The following PIWIL3 variants were observed in gnomAD, a reference collection of about 807,000 sequenced individuals.
PIWIL3 encodes piwi-like protein 3.
Under a neutral mutation model 109.7 loss-of-function variants are expected in PIWIL3, and 101 were observed. The ratio of observed to expected loss-of-function variants is 0.92; its 90% CI spans 0.78 to 1.09. PIWIL3 has a LOEUF of 1.09. Among genes scored for constraint, PIWIL3 ranks in the 50% least tolerant of loss-of-function variants. The probability of loss-of-function intolerance (pLI) is 0.00; values close to 1 mark genes in which losing one functional copy is unlikely to be tolerated. For missense variants in PIWIL3, 1,031 were observed against 1,072.6 expected, an observed-to-expected ratio of 0.96 and a Z score of 0.54; for synonymous variants, 373 against 376.4, an observed-to-expected ratio of 0.99 and a Z score of 0.10.
chr22:24,748,744 C>T (rs561767362), intron 12 of PIWIL3, among the ~76,000 whole-genome samples, 163 bp downstream of exon 12: 16 of 152,188 alleles, frequency 1.1e-4, no homozygotes, highest in African/African-American at 3.9e-4. Flanking sequence ...TGCCAAGCAC[C>T]TTACATTCAT....
chr22:24,721,820 G>T (rs1376406365), intron 19 of PIWIL3, among the ~76,000 whole-genome samples: 1 of 152,050 alleles, frequency 6.6e-6, no homozygotes, highest in African/African-American at 2.4e-5. Context: ...TCTTCTGGAA[G>T]TTGTATCTAA....
At chr22:24,750,005 G>A (rs1398753260) in intron 9 of PIWIL3, among the ~76,000 whole-genome samples, 186 bp from the exon 10 acceptor site, 1 of 152,132 alleles carries the variant, frequency 6.6e-6, no homozygotes, top group African/African-American at 2.4e-5. Flanking sequence ...GATATGCCAC[G>A]GATCTTTTCT....
intron 12 of PIWIL3, among the ~76,000 whole-genome samples, chr22:24,736,604 G>T (rs1358031583): frequency 6.6e-6 from 1 of 152,186 alleles, no homozygotes; most frequent in Admixed American, 6.5e-5. Context: ...TTTGTACAAA[G>T]GGAGCACCTT....
At chr22:24,719,684 C>T (rs1052154657) in intron 20 of PIWIL3, 64 bp downstream of exon 20, 16 of 1,561,806 alleles carry the variant, frequency 1.0e-5, no homozygotes, top group Middle Eastern at 1.7e-4. Context: ...AGAGGTCCAA[C>T]ATTGTTCAAT....
intron 16 of PIWIL3, among the ~76,000 whole-genome samples, chr22:24,727,179 G>A (rs73879112): frequency 6.6e-6 from 1 of 152,158 alleles, no homozygotes; most frequent in South Asian, 2.1e-4. Context: ...GACATTTACT[G>A]ATCAGAGCCT....
At chr22:24,738,574 ACT>A (rs750118831) in intron 12 of PIWIL3, among the ~76,000 whole-genome samples, 2 of 152,128 alleles carry the variant, frequency 1.3e-5, no homozygotes, top group East Asian at 1.9e-4. Flanking sequence ...AGCAAACAAG[ACT>A]CTCTGCCTGG....
At chr22:24,773,809 G>A (rs945934695) in intron 1 of PIWIL3, among the ~76,000 whole-genome samples, 7 of 147,130 alleles carry the variant, frequency 4.8e-5, no homozygotes, top group African/African-American at 1.8e-4. Context: ...CCGCCTCCCA[G>A]GTTCAAGCAA....
chr22:24,723,281 CTA>C (rs1431480713), intron 18 of PIWIL3, 26 bp from the exon 19 acceptor site: 1 of 1,596,424 alleles, frequency 6.3e-7, no homozygotes, highest in African/African-American at 1.3e-5. Context: ...GTAAGTGTCA[CTA>C]TGTTTACTCA....
At chr22:24,744,053 G>C (rs956724055) in intron 12 of PIWIL3, among the ~76,000 whole-genome samples, 6 of 151,728 alleles carry the variant, frequency 4.0e-5, no homozygotes, top group Admixed American at 3.9e-4. Flanking sequence ...AGGCAGGAAA[G>C]AAAGGAGGAA....
At chr22:24,731,559 G>C (rs537046510) in intron 14 of PIWIL3, among the ~76,000 whole-genome samples, 1 of 152,048 alleles carries the variant, frequency 6.6e-6, no homozygotes, top group South Asian at 2.1e-4. Context: ...GCTGAGGCAG[G>C]AGAATGGCAT....
chr22:24,758,127 G>T, intron 3 of PIWIL3, 88 bp from the exon 4 acceptor site: 1 of 1,427,384 alleles, frequency 7.0e-7, no homozygotes, highest in African/African-American at 1.5e-5. Flanking sequence ...GTTTGTTAGA[G>T]GTAGAAAAGA....
chr22:24,747,280 A>G (rs1924429608), intron 12 of PIWIL3, among the ~76,000 whole-genome samples: 1 of 152,152 alleles, frequency 6.6e-6, no homozygotes. Flanking sequence ...CTAGATCCCT[A>G]TCTCTCACCA....
chr22:24,750,157 T>G (rs1189160443), intron 9 of PIWIL3, among the ~76,000 whole-genome samples: 2 of 151,936 alleles, frequency 1.3e-5, no homozygotes, highest in Non-Finnish European at 2.9e-5. Flanking sequence ...TCCCAAAGCA[T>G]ACTGAAAACC....
rs1925333269 is a variant in PIWIL3, at chr22:24,760,127, T to A, written c.103-138A>T. The A allele has an allele frequency of 1.6e-5, 19 of 1,187,604 alleles. No homozygotes were observed. The South Asian group carries it at 2.3e-4, about 15-fold the overall frequency. 73.6% of individuals were successfully genotyped at this position (1,187,604 alleles called of 1,614,324 possible). A position where few individuals can be genotyped will look rare whatever the true frequency, so the allele number is the denominator to read the frequency against. Reference sequence around the variant, plus strand: ...TCCAGTGACATAAACTAAGTTGTAATAAGCAACATACATAGCACCTTGTGT... The same window carrying A: ...TCCAGTGACATAAACTAAGTTGTAAAAAGCAACATACATAGCACCTTGTGT... On this transcript the variant is annotated intron_variant, in intron 2 of 20. Transcript: ENST00000616349.
chr22:24,757,234 GAATA>G (rs1303604145), intron 4 of PIWIL3, among the ~76,000 whole-genome samples: 1 of 152,078 alleles, frequency 6.6e-6, no homozygotes, highest in Non-Finnish European at 1.5e-5. Context: ...TTAAGATACT[GAATA>G]GATTGAAAAT....
rs74797159 is a variant in PIWIL3, at chr22:24,720,940, T to A, written c.2358-1045A>T. ...TTCTATGTAAGTGCTATATCCAGTATTTTAGGTCTTGTTTTAATATACCCT... is the reference window on the plus strand; with the variant it reads ...TTCTATGTAAGTGCTATATCCAGTAATTTAGGTCTTGTTTTAATATACCCT... On this transcript the variant is annotated intron_variant, in intron 19 of 20. Coordinates refer to ENST00000616349, the MANE Select transcript of PIWIL3 (RefSeq NM_001255975.1). Among the ~76,000 whole-genome samples the A allele has an allele frequency of 5.5e-3, 836 of 152,356 alleles. 7 individuals are homozygous for A. The highest frequency in any genetic ancestry group is 0.018 in the African/African-American group (762 of 41,578).
chr22:24,772,993 G>A (rs768068661), intron 1 of PIWIL3, among the ~76,000 whole-genome samples: 11 of 152,130 alleles, frequency 7.2e-5, no homozygotes, highest in Admixed American at 3.3e-4. Flanking sequence ...GGGCTCAGGG[G>A]CCCATCTTTT....
intron 13 of PIWIL3, 144 bp from the exon 14 acceptor site, chr22:24,734,300 C>G: frequency 7.6e-7 from 1 of 1,321,160 alleles, no homozygotes; most frequent in South Asian, 1.7e-5. Flanking sequence ...AGAAAAAAGA[C>G]AGTAGACTTT....
At chr22:24,751,356 T>C in intron 9 of PIWIL3, 31 bp downstream of exon 9, 1 of 1,558,280 alleles carries the variant, frequency 6.4e-7, no homozygotes, top group Non-Finnish European at 8.7e-7. Flanking sequence ...GTTTACAATT[T>C]AAATATATTT....
Sources: allele counts gnomAD v4.1 joint callset (sites outside exome capture counted in the v4.1 genomes callset), GRCh38; gene constraint gnomAD v4.1.1; transcripts MANE v1.5; gene names NCBI Gene and HGNC (gene_info 2026-07-23, HGNC 2026-07-21).